The following KIZ variants were observed in gnomAD, a reference collection of about 807,000 sequenced individuals.
The protein encoded by KIZ is centrosomal protein kizuna.
KIZ carries 68 observed loss-of-function variants against 79.6 expected under a neutral mutation model. The ratio of observed to expected loss-of-function variants is 0.85; its 90% CI spans 0.70 to 1.05. The LOEUF is 1.05. KIZ is among the 50% of genes least tolerant of loss of function. The pLI is 0.00. For synonymous variants in KIZ, 280 were observed against 281.8 expected, an observed-to-expected ratio of 0.99 and a Z score of 0.06; for missense variants, 797 against 800.4, an observed-to-expected ratio of 1.00 and a Z score of 0.05.
Position 21,215,663 on chromosome 20 carries a change from G to A in KIZ, c.1678+15G>A, listed in dbSNP as rs1600567883. On this transcript the variant is annotated intron_variant, in intron 9 of 12. Transcript: ENST00000619189. ...CCCAATCACAGGTAAAGCTATGGTT[G>A]CCTAAGAGTTTCAGACACAAGATTT... 2.5e-6 allele frequency: 4 copies of A among 1,570,348 alleles called. No homozygotes were observed. The highest frequency in any genetic ancestry group is 1.1e-5 in the South Asian group (1 of 87,890).
intron 4 of KIZ, among the ~76,000 whole-genome samples, chr20:21,147,025 G>T (rs1345407347): frequency 1.1e-4 from 16 of 152,188 alleles, no homozygotes; most frequent in Non-Finnish European, 2.4e-4. Context: ...ATTCGGTCAT[G>T]AAATAATTGA....
chr20:21,179,525 G>A (rs1035950697), intron 6 of KIZ, among the ~76,000 whole-genome samples: 3 of 151,604 alleles, frequency 2.0e-5, no homozygotes, highest in East Asian at 3.9e-4. Context: ...TTTCAAAAAA[G>A]TCTTAGTTTT....
At chr20:21,223,565 A>G (rs1023300217) in intron 9 of KIZ, among the ~76,000 whole-genome samples, 7 of 151,768 alleles carry the variant, frequency 4.6e-5, no homozygotes, top group African/African-American at 1.7e-4. Flanking sequence ...AAACTTGTGT[A>G]TCTTCCTGCC....
chr20:21,241,765 T>C (rs2123511286), intron 11 of KIZ, among the ~76,000 whole-genome samples: 1 of 152,340 alleles, frequency 6.6e-6, no homozygotes, highest in South Asian at 2.1e-4. Context: ...CATTGCTGGC[T>C]GATTGCTTTT....
chr20:21,215,281 T>C (rs2036238630), intron 8 of KIZ, among the ~76,000 whole-genome samples: 1 of 152,228 alleles, frequency 6.6e-6, no homozygotes, highest in Non-Finnish European at 1.5e-5. Context: ...CTCGAGTTGA[T>C]GTACATGTGC....
At chr20:21,126,013 C>G (rs1326762030), upstream of KIZ, 16 of 1,332,584 alleles carry the variant, frequency 1.2e-5, no homozygotes, top group Admixed American at 7.7e-5. Context: ...GCAGGCGGCC[C>G]GGCGCGGTGT....
At chr20:21,187,308 C>T (rs183871950) in intron 6 of KIZ, among the ~76,000 whole-genome samples, 2 of 152,150 alleles carry the variant, frequency 1.3e-5, no homozygotes, top group Non-Finnish European at 2.9e-5. Context: ...CCAGGCATTT[C>T]ACTGTTATCA....
chr20:21,211,910 G>A (rs908065056), intron 7 of KIZ, among the ~76,000 whole-genome samples: 10 of 152,138 alleles, frequency 6.6e-5, no homozygotes, highest in Non-Finnish European at 1.3e-4. Context: ...CCAACATGGT[G>A]AAACCCCGTC....
At chr20:21,136,196 T>C (rs1335044323) in intron 2 of KIZ, among the ~76,000 whole-genome samples, 194 bp from the exon 3 acceptor site, 1 of 152,160 alleles carries the variant, frequency 6.6e-6, no homozygotes, top group African/African-American at 2.4e-5. Flanking sequence ...GAAACCGATA[T>C]GATACCTCAG....
chr20:21,213,409 C>T (rs1319838462), intron 7 of KIZ: 1 of 152,226 alleles, frequency 6.6e-6, no homozygotes, highest in Non-Finnish European at 1.5e-5. Flanking sequence ...TAACACTTCA[C>T]TCTTGGCTAA....
rs150703414 is a variant in KIZ, at chr20:21,172,147, T to G, written c.1352+8988T>G. Among the ~76,000 whole-genome samples the G allele has an allele frequency of 1.6e-3, 250 of 152,338 alleles. 1 individual carries two copies. The highest frequency in any genetic ancestry group is 5.9e-3 in the African/African-American group (247 of 41,568). On this transcript the variant is annotated intron_variant, in intron 6 of 12. Transcript: ENST00000619189. ...TTAAGCTACTAAGTTTTGAGGTAGT[T>G]TTTTATTAGTCTATAGATAACGAGA...
chr20:21,169,458 G>C (rs1449929644), intron 6 of KIZ, among the ~76,000 whole-genome samples: 1 of 152,158 alleles, frequency 6.6e-6, no homozygotes, highest in East Asian at 1.9e-4. Flanking sequence ...TGGAGAAATA[G>C]GAACACTTTT....
chr20:21,161,993 G>C lies in KIZ; in HGVS notation c.528G>C (p.Glu176Asp). The change falls in exon 5 of 13, where the codon GAG (glutamate) becomes GAC (aspartate). Residue 176 changes from glutamate (E) to aspartate (D), a missense_variant. By Grantham distance (45) the Glu-to-Asp change is conservative. Coordinates refer to ENST00000619189, the MANE Select transcript of KIZ (RefSeq NM_018474.6). ...AILSMRDFST[E>D]HKSPQPTKNF... ...TAAGCATGAGAGATTTCAGTACAGA[G>C]CACAAATCTCCCCAGCCCACAAAGA... is the stretch of plus-strand genomic sequence containing the variant. 10 of 1,613,938 alleles carry C rather than the reference G, an allele frequency of 6.2e-6. No individual in the cohort carries two copies. Among genetic ancestry groups the C allele is most frequent in the Non-Finnish European group, 7.6e-6 (9 of 1,179,872 alleles).
intron 6 of KIZ, among the ~76,000 whole-genome samples, chr20:21,180,875 T>A (rs1445543124): frequency 6.6e-6 from 1 of 152,156 alleles, no homozygotes; most frequent in East Asian, 1.9e-4. Context: ...CACCCTCAGA[T>A]GTTCAAGCTG....
chr20:21,155,140 G>A (rs1487529467), intron 4 of KIZ, among the ~76,000 whole-genome samples: 1 of 152,168 alleles, frequency 6.6e-6, no homozygotes, highest in Non-Finnish European at 1.5e-5. Flanking sequence ...GTTACCGTAC[G>A]AGGCAACAGT....
At chr20:21,143,251 T>G (rs1174952528) in intron 3 of KIZ, among the ~76,000 whole-genome samples, 1 of 151,556 alleles carries the variant, frequency 6.6e-6, no homozygotes, top group East Asian at 1.9e-4. Context: ...GCCAGCAGAT[T>G]TTAAACGTCG....
chr20:21,183,555 A>G (rs1054972942), intron 6 of KIZ, among the ~76,000 whole-genome samples: 1 of 152,258 alleles, frequency 6.6e-6, no homozygotes, highest in African/African-American at 2.4e-5. Flanking sequence ...CATAATGGGA[A>G]TGCTTTTAAT....
intron 6 of KIZ, among the ~76,000 whole-genome samples, chr20:21,170,222 G>T (rs949080081): frequency 1.6e-4 from 25 of 151,976 alleles, no homozygotes; most frequent in Admixed American, 1.6e-3. Flanking sequence ...ATACAAGCAT[G>T]CAATGTATAA....
intron 11 of KIZ, 115 bp from the exon 12 acceptor site, chr20:21,244,130 T>C: frequency 5.4e-6 from 4 of 747,374 alleles, no homozygotes; most frequent in Non-Finnish European, 2.3e-6. Context: ...GAAGTAAGTG[T>C]AAAGTTCTGG....
Sources: gnomAD v4.1 joint callset for allele counts (sites outside exome capture counted in the v4.1 genomes callset) on GRCh38, gnomAD v4.1.1 for gene constraint, MANE v1.5 for transcripts, NCBI Gene and HGNC (gene_info 2026-07-23, HGNC 2026-07-21) for gene names.